The following FAM120A variants were observed in gnomAD, a reference collection of about 807,000 sequenced individuals.
The protein encoded by FAM120A is family with sequence similarity 120 member A.
Under a neutral mutation model 109.7 loss-of-function variants are expected in FAM120A, and 15 were observed. The ratio of observed to expected loss-of-function variants is 0.14; its 90% CI spans 0.09 to 0.21. The LOEUF is 0.21. Among genes scored for constraint, FAM120A ranks in the 10% least tolerant of loss-of-function variants. FAM120A has a pLI of 1.00. For synonymous variants in FAM120A, 493 were observed against 572.8 expected, an observed-to-expected ratio of 0.86 and a Z score of 1.99; for missense variants, 899 against 1,439.3, an observed-to-expected ratio of 0.62 and a Z score of 6.07.
At chr9:93,487,026 T>C (rs1406500185) in intron 3 of FAM120A, among the ~76,000 whole-genome samples, 4 of 152,250 alleles carry the variant, frequency 2.6e-5, no homozygotes, top group Non-Finnish European at 5.9e-5. Context: ...TGCATTTCTT[T>C]GATGACTGAT....
At chr9:93,485,860 C>T (rs183956393) in intron 3 of FAM120A, among the ~76,000 whole-genome samples, 1 of 149,656 alleles carries the variant, frequency 6.7e-6, no homozygotes, top group African/African-American at 2.4e-5. Context: ...TTTGCCTATT[C>T]TGGACATTTA....
chr9:93,539,199 G>A (rs1181710733), intron 10 of FAM120A, among the ~76,000 whole-genome samples: 2 of 151,980 alleles, frequency 1.3e-5, no homozygotes, highest in Non-Finnish European at 2.9e-5. Context: ...GGGTTTCACC[G>A]TGTCAGCCAG....
At position 93,455,824 on chromosome 9, in the gene FAM120A, G is replaced by A. The variant is rs1339352754; in HGVS notation, c.474+3435G>A. ...ATTATAGGCGCCTGCCATCATGCCT[G>A]GCTAATCTTTGTATTTTTAGTAGAG... On this transcript the variant is annotated intron_variant, in intron 1 of 17. Coordinates refer to ENST00000277165, the MANE Select transcript of FAM120A (RefSeq NM_014612.5). Among the ~76,000 whole-genome samples, 3 of 152,112 alleles carry A rather than the reference G, an allele frequency of 2.0e-5. No homozygotes were observed. The East Asian group carries it at 5.8e-4, about 29-fold the overall frequency.
intron 5 of FAM120A, among the ~76,000 whole-genome samples, chr9:93,512,787 C>T (rs1001123480): frequency 6.6e-6 from 1 of 152,198 alleles, no homozygotes; most frequent in Non-Finnish European, 1.5e-5. Flanking sequence ...TCAGAAAATG[C>T]AGACAAATTA....
At chr9:93,469,328 A>G (rs753059679) in intron 1 of FAM120A, among the ~76,000 whole-genome samples, 2 of 152,176 alleles carry the variant, frequency 1.3e-5, no homozygotes, top group African/African-American at 4.8e-5. Flanking sequence ...ACATGTGTGA[A>G]TCTAAGGAAC....
rs755106423 is a variant in FAM120A at position 93,564,555 on chromosome 9, G to A, written c.*15G>A. 1.9e-6 allele frequency: 3 copies of A among 1,585,168 alleles called. No homozygotes were observed. On this transcript the variant is annotated 3_prime_UTR_variant, in exon 18 of 18. Transcript: ENST00000277165. ...AAGAAGAGTAAACTTATTTTTTATA[G>A]AGGGTGAAGGATGCTGGAAGGGTAA... is the stretch of plus-strand genomic sequence containing the variant.
In FAM120A at chr9:93,545,971, A is replaced by T. The variant is rs570134219; in HGVS notation, c.2159+2500A>T. On this transcript the variant is annotated intron_variant, in intron 11 of 17. Transcript: ENST00000277165. Reference sequence around the variant, plus strand: ...GGCTAATTTTTTGTATTTTTCGTAGAGATGGAGTTTTACCATGTTGGTCAG... The same window carrying T: ...GGCTAATTTTTTGTATTTTTCGTAGTGATGGAGTTTTACCATGTTGGTCAG... Among the ~76,000 whole-genome samples the T allele has an allele frequency of 7.6e-4, 115 of 151,614 alleles. 1 individual carries two copies. Among genetic ancestry groups the T allele is most frequent in the South Asian group, 1.5e-3 (7 of 4,786 alleles).
In FAM120A at chr9:93,545,205, G is replaced by A. The variant is rs556593423; in HGVS notation, c.2159+1734G>A. 8.5e-5 allele frequency among the ~76,000 whole-genome samples: 13 copies of A among 152,306 alleles called. No individual in the cohort carries two copies. The South Asian group carries it at 2.7e-3, about 32-fold the overall frequency. ...TCCAAGTGGGGGATGGCATTTAGAA[G>A]CCAGGCTCTCAGAGTCGGAGGTTCT... On this transcript the variant is annotated intron_variant, in intron 11 of 17. Coordinates refer to ENST00000277165, the MANE Select transcript of FAM120A (RefSeq NM_014612.5).
At chr9:93,561,350 T>G (rs1342079806) in intron 16 of FAM120A, 100 bp downstream of exon 16, 2 of 1,042,740 alleles carry the variant, frequency 1.9e-6, no homozygotes, top group African/African-American at 3.3e-5. Flanking sequence ...TTTATATCAT[T>G]AGATACATTC....
chr9:93,507,645 AG>A (rs559152080), intron 5 of FAM120A, among the ~76,000 whole-genome samples: 385 of 152,268 alleles, frequency 2.5e-3, no homozygotes, highest in Middle Eastern at 0.017. Flanking sequence ...CAGCGAGGCC[AG>A]GGGAGATACC....
At chr9:93,469,005 C>T (rs977490130) in intron 1 of FAM120A, among the ~76,000 whole-genome samples, 1 of 152,360 alleles carries the variant, frequency 6.6e-6, no homozygotes, top group East Asian at 1.9e-4. Context: ...GGTCCCTCTG[C>T]CCAGGCAACA....
chr9:93,541,996 C>G (rs10821155), intron 10 of FAM120A, among the ~76,000 whole-genome samples: 1 of 152,008 alleles, frequency 6.6e-6, no homozygotes, highest in Non-Finnish European at 1.5e-5. Flanking sequence ...AACTGGAGAT[C>G]AGCCAGTAAT....
intron 8 of FAM120A, among the ~76,000 whole-genome samples, chr9:93,529,050 C>T (rs554145885): frequency 6.6e-6 from 1 of 152,316 alleles, no homozygotes; most frequent in South Asian, 2.1e-4. Flanking sequence ...CCTCCCAGCA[C>T]CCTGCCGTAT....
intron 1 of FAM120A, among the ~76,000 whole-genome samples, chr9:93,467,089 T>A (rs1051665929): frequency 2.0e-5 from 3 of 152,176 alleles, no homozygotes; most frequent in Non-Finnish European, 2.9e-5. Flanking sequence ...GTTGATTTGT[T>A]TTTTCATTTG....
chr9:93,485,970 A>T (rs981004570), intron 3 of FAM120A, among the ~76,000 whole-genome samples: 4 of 152,022 alleles, frequency 2.6e-5, no homozygotes, highest in Non-Finnish European at 4.4e-5. Context: ...TCAGTACTTT[A>T]TTCCTTTTTT....
At chr9:93,542,927 C>G (rs1434662157) in intron 10 of FAM120A, among the ~76,000 whole-genome samples, 3 of 152,116 alleles carry the variant, frequency 2.0e-5, no homozygotes, top group Non-Finnish European at 4.4e-5. Context: ...TGGATTTTGT[C>G]TAACATCTTG....
chr9:93,498,830 T>C lies in FAM120A; in HGVS notation c.974T>C (p.Ile325Thr). The change falls in exon 5 of 18, where the codon ATT (isoleucine) becomes ACT (threonine). Residue 325 changes from isoleucine (I) to threonine (T), a missense_variant. Physicochemically the swap from Ile to Thr is moderately conservative, Grantham distance 89 (BLOSUM62 -1). Transcript: ENST00000277165. The surrounding 1 kb of genome is among the most constrained non-coding windows in gnomAD (Gnocchi z 4.4). Reference sequence around the variant, plus strand: ...AAAGTTATTCGATTTAAGAGAGCAATTGGATATTATTCAGCGACTAGTAAG... The same window carrying C: ...AAAGTTATTCGATTTAAGAGAGCAACTGGATATTATTCAGCGACTAGTAAG... Reference protein sequence around the residue: ...DDKVIRFKRAIGYYSATSKPM... With the variant: ...DDKVIRFKRATGYYSATSKPM... The C allele has an allele frequency of 6.2e-7, 1 of 1,613,014 alleles. No individual in the cohort carries two copies. Among genetic ancestry groups the C allele is most frequent in the Non-Finnish European group, 8.5e-7 (1 of 1,179,052 alleles).
intron 3 of FAM120A, among the ~76,000 whole-genome samples, chr9:93,483,437 G>A (rs1037583884): frequency 5.3e-5 from 8 of 151,808 alleles, no homozygotes; most frequent in Non-Finnish European, 8.8e-5. Flanking sequence ...GCAAGATGAC[G>A]TAGTTTGACT....
intron 5 of FAM120A, among the ~76,000 whole-genome samples, chr9:93,509,845 T>C (rs1860232894): frequency 6.6e-6 from 1 of 152,228 alleles, no homozygotes. Flanking sequence ...CAGGCTTTTC[T>C]AAAAGTCATG....
Sources: gnomAD v4.1 joint callset for allele counts (sites outside exome capture counted in the v4.1 genomes callset) on GRCh38, gnomAD v4.1.1 for gene constraint, Gnocchi (gnomAD v3.1) non-coding constraint, MANE v1.5 for transcripts, NCBI Gene and HGNC (gene_info 2026-07-23, HGNC 2026-07-21) for gene names.